The following ASIC2 variants were observed in gnomAD, a reference collection of about 807,000 sequenced individuals.
The protein encoded by ASIC2 is acid-sensing ion channel 2.
In ASIC2, 25 loss-of-function variants were observed where a neutral mutation model predicts 57.3. That is an observed-to-expected ratio of 0.44 (90% CI 0.32 to 0.61). The LOEUF is 0.61. Ranked by LOEUF, ASIC2 falls within the 20% of genes least tolerant of loss-of-function variation. ASIC2 has a pLI of 0.06. For missense variants in ASIC2, 641 were observed against 738.1 expected, an observed-to-expected ratio of 0.87 and a Z score of 1.52; for synonymous variants, 319 against 307.5, an observed-to-expected ratio of 1.04 and a Z score of -0.39.
At chr17:33,525,611 C>A (rs1798705930) in intron 1 of ASIC2, among the ~76,000 whole-genome samples, 1 of 152,234 alleles carries the variant, frequency 6.6e-6, no homozygotes, top group Admixed American at 6.5e-5. Context: ...TCCTGCCTTG[C>A]AGACATGGAG....
intron 3 of ASIC2, among the ~76,000 whole-genome samples, chr17:33,035,501 A>T (rs1391844741): frequency 1.3e-5 from 2 of 152,178 alleles, no homozygotes; most frequent in Non-Finnish European, 2.9e-5. Context: ...TTAATGGTGA[A>T]CTACTTTGAT....
At chr17:33,872,119 G>A (rs984732956) in intron 1 of ASIC2, among the ~76,000 whole-genome samples, 3 of 152,150 alleles carry the variant, frequency 2.0e-5, no homozygotes, top group Non-Finnish European at 4.4e-5. Context: ...AGGGCATTAG[G>A]ACTTCCCTCC....
intron 1 of ASIC2, among the ~76,000 whole-genome samples, chr17:33,494,830 A>T (rs771320463): frequency 9.2e-5 from 14 of 152,276 alleles, no homozygotes; most frequent in Middle Eastern, 3.4e-3. Context: ...TGCAGGTTAG[A>T]TATGGAGATA....
chr17:33,020,636 C>A (rs1242805360), intron 7 of ASIC2, among the ~76,000 whole-genome samples: 1 of 152,122 alleles, frequency 6.6e-6, no homozygotes, highest in African/African-American at 2.4e-5. Flanking sequence ...GGAGCTCATG[C>A]GAACTTTTGT....
intron 1 of ASIC2, among the ~76,000 whole-genome samples, chr17:33,960,399 T>C (rs1904881560): frequency 1.3e-5 from 2 of 152,222 alleles, no homozygotes; most frequent in African/African-American, 2.4e-5. Context: ...TTGCCAGAGA[T>C]GGAAAGAATC....
chr17:33,674,263 G>A (rs564249131), intron 1 of ASIC2, among the ~76,000 whole-genome samples: 2 of 152,190 alleles, frequency 1.3e-5, no homozygotes, highest in South Asian at 4.2e-4. Context: ...CCCGACAGTG[G>A]GGAGTCCCCT....
chr17:33,141,059 G>A (rs541269744), intron 1 of ASIC2, among the ~76,000 whole-genome samples: 59 of 152,204 alleles, frequency 3.9e-4, no homozygotes, highest in African/African-American at 1.2e-3. Context: ...AAAGAGAGTC[G>A]CCTGTCTCCC....
chr17:33,585,469 G>C (rs1904593201), intron 1 of ASIC2, among the ~76,000 whole-genome samples: 1 of 152,206 alleles, frequency 6.6e-6, no homozygotes, highest in Admixed American at 6.5e-5. Context: ...CAAATCAACT[G>C]AGTAGAAAAT....
chr17:33,778,342 A>G (rs888444909), intron 1 of ASIC2, among the ~76,000 whole-genome samples: 2 of 152,052 alleles, frequency 1.3e-5, no homozygotes, highest in East Asian at 1.9e-4. Flanking sequence ...TCGTGCCTGT[A>G]CCAGCCACAC....
chr17:33,234,775 T>A (rs1456576284), intron 1 of ASIC2, among the ~76,000 whole-genome samples: 58 of 152,180 alleles, frequency 3.8e-4, no homozygotes, highest in Admixed American at 3.8e-3. Flanking sequence ...AAGGTAATAA[T>A]CCTAGTTGTG....
chr17:33,995,628 A>G (rs1175127252), intron 1 of ASIC2, among the ~76,000 whole-genome samples: 1 of 152,198 alleles, frequency 6.6e-6, no homozygotes, highest in Non-Finnish European at 1.5e-5. Context: ...ATATACATAC[A>G]CACGCATATA....
At chr17:33,776,819 C>T (rs185171602) in intron 1 of ASIC2, among the ~76,000 whole-genome samples, 2 of 152,318 alleles carry the variant, frequency 1.3e-5, no homozygotes, top group Admixed American at 6.5e-5. Flanking sequence ...TTTTCGGATA[C>T]TCTCTACTTT....
At chr17:34,000,022 T>C (rs1206322795) in intron 1 of ASIC2, among the ~76,000 whole-genome samples, 2 of 151,742 alleles carry the variant, frequency 1.3e-5, no homozygotes, top group Non-Finnish European at 2.9e-5. Context: ...CTTTCTTAAG[T>C]ATAGTATTTT....
At chr17:33,450,913 C>G (rs1195562889) in intron 1 of ASIC2, among the ~76,000 whole-genome samples, 2 of 152,188 alleles carry the variant, frequency 1.3e-5, no homozygotes, top group African/African-American at 4.8e-5. Context: ...CTGGGCAGAG[C>G]TCCATGCCAA....
intron 7 of ASIC2, 135 bp from the exon 8 acceptor site, chr17:33,017,819 A>G (rs1437711755): frequency 1.3e-6 from 1 of 749,724 alleles, no homozygotes; most frequent in Non-Finnish European, 2.2e-6. Flanking sequence ...TGGGAGGTCC[A>G]GGCCTTTGGC....
In ASIC2 at chr17:33,591,977, C is replaced by A. The variant is rs146113263; in HGVS notation, c.556-479910G>T. On this transcript the variant is annotated intron_variant, in intron 1 of 9. Transcript: ENST00000359872. ...TACCTGCCCTGCCTCTGCTCCTATA[C>A]CTAAGAAGGAAAAATCAAGGACAAG... Among the ~76,000 whole-genome samples the A allele has an allele frequency of 1.6e-3, 238 of 152,226 alleles. 1 individual carries two copies. Among genetic ancestry groups the A allele is most frequent in the African/African-American group, 5.6e-3 (234 of 41,548 alleles).
At chr17:33,736,016 G>T (rs1909899634) in intron 1 of ASIC2, among the ~76,000 whole-genome samples, 1 of 152,018 alleles carries the variant, frequency 6.6e-6, no homozygotes, top group Non-Finnish European at 1.5e-5. Context: ...CTTGTTCAGT[G>T]ACTTCACTTT....
chr17:34,017,542 A>G (rs190632244), intron 1 of ASIC2, among the ~76,000 whole-genome samples: 2 of 152,382 alleles, frequency 1.3e-5, no homozygotes, highest in Non-Finnish European at 2.9e-5. Context: ...AAAGCCAAAA[A>G]GGCCAAAAGC....
intron 1 of ASIC2, among the ~76,000 whole-genome samples, chr17:33,996,931 A>G (rs1006903703): frequency 1.3e-5 from 2 of 152,178 alleles, no homozygotes; most frequent in African/African-American, 4.8e-5. Flanking sequence ...CACTGAATCT[A>G]TAGATCACTT....
Sources: gnomAD v4.1 joint callset for allele counts (sites outside exome capture counted in the v4.1 genomes callset) on GRCh38, gnomAD v4.1.1 for gene constraint, MANE v1.5 for transcripts, NCBI Gene and HGNC (gene_info 2026-07-23, HGNC 2026-07-21) for gene names.